GMDS: variants seen among roughly 807,000 people sequenced by gnomAD.
GMDS encodes GDP-mannose 4,6 dehydratase.
GMDS carries 20 observed loss-of-function variants against 49.9 expected under a neutral mutation model. The ratio of observed to expected loss-of-function variants is 0.40; its 90% CI spans 0.28 to 0.58. The LOEUF (loss-of-function observed/expected upper bound fraction) is 0.58, where lower values mean the gene tolerates loss of function less well. GMDS is among the 20% of genes least tolerant of loss of function. GMDS has a pLI of 0.42. For missense variants in GMDS, 362 were observed against 481.4 expected (o/e 0.75, Z 2.32); for synonymous variants, 177 against 178.6 (o/e 0.99, Z 0.07).
chr6:1,704,340 C>CT (rs1765647128), intron 9 of GMDS, among the ~76,000 whole-genome samples: 1 of 151,918 alleles, frequency 6.6e-6, no homozygotes, highest in Admixed American at 6.6e-5. Flanking sequence ...GCACAGGAAA[C>CT]CAGGTTCTGG....
chr6:2,242,868 T>G (rs1781677802), intron 1 of GMDS, among the ~76,000 whole-genome samples: 1 of 152,098 alleles, frequency 6.6e-6, no homozygotes, highest in Non-Finnish European at 1.5e-5. Context: ...CCAATATTAT[T>G]AAGAAAACAT....
At chr6:2,126,624 A>G (rs569424766) in intron 1 of GMDS, among the ~76,000 whole-genome samples, 44 of 152,198 alleles carry the variant, frequency 2.9e-4, no homozygotes, top group African/African-American at 1.1e-3. Flanking sequence ...TAAAACCTAG[A>G]GCAGATTTTC....
chr6:1,929,348 T>C (rs1383709332), intron 7 of GMDS, among the ~76,000 whole-genome samples: 1 of 152,222 alleles, frequency 6.6e-6, no homozygotes, highest in Admixed American at 6.5e-5. Context: ...TCTACCATGC[T>C]TGCTCATGTC....
intron 4 of GMDS, among the ~76,000 whole-genome samples, chr6:1,974,367 A>G (rs528002501): frequency 2.4e-4 from 37 of 152,310 alleles, no homozygotes; most frequent in African/African-American, 8.9e-4. Context: ...AAATTAAAAT[A>G]ATGCTCAAGA....
intron 1 of GMDS, among the ~76,000 whole-genome samples, chr6:2,177,811 T>C (rs1408946909): frequency 6.6e-6 from 1 of 152,026 alleles, no homozygotes; most frequent in Non-Finnish European, 1.5e-5. Flanking sequence ...AAATAAATCA[T>C]CCTACCAAAA....
intron 1 of GMDS, among the ~76,000 whole-genome samples, chr6:2,142,895 C>T (rs1776374396): frequency 6.6e-6 from 1 of 152,172 alleles, no homozygotes; most frequent in Admixed American, 6.5e-5. Flanking sequence ...CTGAGCTTGG[C>T]ATAAGCTGCT....
chr6:2,110,312 G>T (rs1466031908), intron 4 of GMDS, among the ~76,000 whole-genome samples: 1 of 147,492 alleles, frequency 6.8e-6, no homozygotes, highest in Non-Finnish European at 1.5e-5. Context: ...AGCTATTAAG[G>T]TACGGATTTC....
At chr6:1,948,884 G>T (rs1481885584) in intron 6 of GMDS, among the ~76,000 whole-genome samples, 3 of 152,024 alleles carry the variant, frequency 2.0e-5, no homozygotes, top group Admixed American at 2.0e-4. Context: ...CAATTCACGG[G>T]TGTCTCGCCG....
intron 1 of GMDS, among the ~76,000 whole-genome samples, chr6:2,128,457 G>C (rs1216051353): frequency 1.7e-4 from 26 of 152,146 alleles, no homozygotes; most frequent in Admixed American, 1.7e-3. Flanking sequence ...TTATAGGTGT[G>C]AGCCACCCAT....
rs117894165 is a variant in GMDS, at chr6:2,097,915, G to A, written c.345+17856C>T. 9.1e-4 allele frequency among the ~76,000 whole-genome samples: 103 copies of A among 113,066 alleles called. 1 individual carries two copies. The East Asian group carries it at 0.031, about 34-fold the overall frequency. 74.2% of individuals were successfully genotyped at this position (113,066 alleles called of 152,430 possible). ...TGCAGGTACTTTCTAAATTTAGTAC[G>A]ACTATAAAAACAAACAAAACAAAAC... On this transcript the variant is annotated intron_variant, in intron 4 of 10. Coordinates refer to ENST00000380815, the MANE Select transcript of GMDS (RefSeq NM_001500.4).
intron 4 of GMDS, among the ~76,000 whole-genome samples, chr6:1,962,937 C>T (rs1257809181): frequency 3.4e-5 from 5 of 148,872 alleles, no homozygotes; most frequent in African/African-American, 5.0e-5. Flanking sequence ...AGTGCAATGG[C>T]GCGATCTGGA....
intron 7 of GMDS, among the ~76,000 whole-genome samples, chr6:1,857,539 T>C (rs369950967): frequency 6.6e-6 from 1 of 152,218 alleles, no homozygotes; most frequent in Admixed American, 6.5e-5. Flanking sequence ...ACTTGGAAAG[T>C]GCCCTTAAAC....
chr6:2,132,579 A>G (rs559032722), intron 1 of GMDS, among the ~76,000 whole-genome samples: 8 of 152,316 alleles, frequency 5.3e-5, no homozygotes, highest in Admixed American at 3.9e-4. Flanking sequence ...ACACCAGTAG[A>G]TGCATGAGTC....
At chr6:1,973,133 G>A (rs750861212) in intron 4 of GMDS, among the ~76,000 whole-genome samples, 54 of 152,250 alleles carry the variant, frequency 3.5e-4, no homozygotes, top group Middle Eastern at 6.8e-3. Context: ...AAATCTGCAC[G>A]TGTGTGACCT....
intron 7 of GMDS, among the ~76,000 whole-genome samples, chr6:1,870,632 G>C (rs1758689310): frequency 6.6e-6 from 1 of 152,118 alleles, no homozygotes; most frequent in African/African-American, 2.4e-5. Flanking sequence ...GTTATCTTGA[G>C]ATAAATATCT....
chr6:2,058,466 A>G (rs1770909478), intron 4 of GMDS, among the ~76,000 whole-genome samples: 1 of 152,210 alleles, frequency 6.6e-6, no homozygotes, highest in African/African-American at 2.4e-5. Flanking sequence ...AAATGAGTAA[A>G]AAGAGACTAA....
intron 7 of GMDS, among the ~76,000 whole-genome samples, chr6:1,754,237 T>A (rs532044517): frequency 1.9e-4 from 29 of 152,222 alleles, no homozygotes; most frequent in African/African-American, 5.8e-4. Flanking sequence ...CAAACTACCA[T>A]CAGAGAATAC....
At chr6:1,924,439 A>G (rs1761890942) in intron 7 of GMDS, among the ~76,000 whole-genome samples, 1 of 152,198 alleles carries the variant, frequency 6.6e-6, no homozygotes, top group African/African-American at 2.4e-5. Flanking sequence ...TCCTGGAAAG[A>G]GGCTGGACTT....
intron 1 of GMDS, among the ~76,000 whole-genome samples, chr6:2,149,946 G>T (rs2127536376): frequency 6.6e-6 from 1 of 151,722 alleles, no homozygotes; most frequent in Non-Finnish European, 1.5e-5. Flanking sequence ...CTTATATCCT[G>T]GAAATAACAG....
Sources: gnomAD v4.1 joint callset for allele counts (sites outside exome capture counted in the v4.1 genomes callset) on GRCh38, gnomAD v4.1.1 for gene constraint, MANE v1.5 for transcripts, NCBI Gene and HGNC (gene_info 2026-07-23, HGNC 2026-07-21) for gene names.